The following ZNF354A variants were observed in gnomAD, a reference collection of about 807,000 sequenced individuals.
ZNF354A encodes the protein zinc finger protein 354A.
Under a neutral mutation model 53.3 loss-of-function variants are expected in ZNF354A, and 25 were observed. The ratio of observed to expected loss-of-function variants is 0.47; its 90% CI spans 0.34 to 0.66. ZNF354A has a LOEUF of 0.66. ZNF354A is among the 30% of genes least tolerant of loss of function. The probability of loss-of-function intolerance (pLI) is 0.01; values close to 1 mark genes in which losing one functional copy is unlikely to be tolerated. For synonymous variants in ZNF354A, 228 were observed against 249.0 expected (o/e 0.92, Z 0.79); for missense variants, 586 against 716.8 (o/e 0.82, Z 2.08).
intron 4 of ZNF354A, among the ~76,000 whole-genome samples, chr5:178,715,665 A>C (rs1242127156): frequency 6.6e-6 from 1 of 152,200 alleles, no homozygotes; most frequent in Non-Finnish European, 1.5e-5. Flanking sequence ...TGCTGGGAAG[A>C]AGGCAGCAGC....
chr5:178,726,279 T>C (rs1765905719), intron 3 of ZNF354A: 2 of 452,352 alleles, frequency 4.4e-6, no homozygotes, highest in Non-Finnish European at 8.9e-6. Context: ...CGGAGACCAT[T>C]ACGCAGCCCA....
chr5:178,719,980 T>C lies in ZNF354A; in HGVS notation c.256+5396A>G, dbSNP rs368606459. ...AAAAAAATGTCACTTGCATTTGCAG[T>C]CTCACAAGGTTTTCTAGAGTCAGAG... On this transcript the variant is annotated intron_variant, in intron 4 of 4. Coordinates refer to ENST00000335815, the MANE Select transcript of ZNF354A (RefSeq NM_005649.3). Among the ~76,000 whole-genome samples, 8 of 152,094 alleles carry C rather than the reference T, an allele frequency of 5.3e-5. 1 individual carries two copies. In the South Asian group the frequency reaches 1.2e-3, roughly 24 times the overall value.
At chr5:178,723,346 G>A (rs1032930250) in intron 4 of ZNF354A, among the ~76,000 whole-genome samples, 12 of 152,150 alleles carry the variant, frequency 7.9e-5, no homozygotes, top group African/African-American at 2.7e-4. Flanking sequence ...ATGGGCTGGC[G>A]GCTGCAGAAA....
At chr5:178,719,719 G>A (rs977328301) in intron 4 of ZNF354A, among the ~76,000 whole-genome samples, 7 of 151,982 alleles carry the variant, frequency 4.6e-5, no homozygotes, top group African/African-American at 7.2e-5. Flanking sequence ...AGGCCGAGGC[G>A]GGCGGATCAC....
intron 4 of ZNF354A, among the ~76,000 whole-genome samples, chr5:178,713,866 G>A (rs1301021616): frequency 1.3e-5 from 2 of 152,044 alleles, no homozygotes; most frequent in Admixed American, 6.6e-5. Context: ...GTGAGAAAGA[G>A]TGACCAGAAG....
intron 4 of ZNF354A, among the ~76,000 whole-genome samples, chr5:178,724,207 C>A (rs552455155): frequency 6.6e-6 from 1 of 151,736 alleles, no homozygotes; most frequent in Non-Finnish European, 1.5e-5. Context: ...TGACTGCAAT[C>A]GCTCTGCAAG....
intron 2 of ZNF354A, among the ~76,000 whole-genome samples, chr5:178,728,646 A>T (rs921970371): frequency 1.3e-5 from 2 of 151,608 alleles, no homozygotes; most frequent in South Asian, 2.1e-4. Context: ...AAAAAAAAAA[A>T]CTTAGCCGGG....
In ZNF354A at chr5:178,725,431, C is replaced by T. The variant is rs1765887232; in HGVS notation, c.201G>A (p.Gln67=). The change falls in exon 4 of 5, where the codon CAG becomes CAA. Residue 67 remains glutamine (Q), a synonymous_variant. Transcript: ENST00000335815. ...FTKPKVISLL[Q]QGEDPWEVEK... ...CCACCTCCCAGGGATCTTCTCCTTG[C>T]TGCAACAGGGAGATCACTTTTGGTT... 1 of 1,614,210 alleles carries T rather than the reference C, an allele frequency of 6.2e-7. No individual in the cohort carries two copies. Among genetic ancestry groups the T allele is most frequent in the South Asian group, 1.1e-5 (1 of 91,090 alleles).
intron 4 of ZNF354A, among the ~76,000 whole-genome samples, chr5:178,724,892 A>G (rs1306670322): frequency 1.3e-5 from 2 of 152,076 alleles, no homozygotes; most frequent in Non-Finnish European, 2.9e-5. Flanking sequence ...ACGGATGGAG[A>G]CTCAGCTGTT....
At chr5:178,717,834 A>C (rs554455973) in intron 4 of ZNF354A, among the ~76,000 whole-genome samples, 4 of 152,278 alleles carry the variant, frequency 2.6e-5, no homozygotes, top group Non-Finnish European at 4.4e-5. Context: ...GGAGTGAATA[A>C]CTGTGGCAAA....
rs1765633385 is a variant in ZNF354A at position 178,712,289 on chromosome 5, G to T, written c.1589C>A (p.Ser530Tyr). Residue 530 changes from serine to tyrosine, a missense_variant, in exon 5 of 5, where the codon TCT becomes TAT. Physicochemically the swap from Ser to Tyr is moderately radical, Grantham distance 144 (BLOSUM62 -2). This residue lies in a region of ZNF354A where 573 missense variants were observed against 680.1 expected (regional missense o/e 0.84). Transcript: ENST00000335815. ...KPYRCEECGI[S>Y]FGQSSALIQH... ...AATAAGAGCTGAACTTTGGCCAAAA[G>T]ATATCCCACATTCCTCACATCGATA... The T allele has an allele frequency of 1.9e-6, 3 of 1,614,060 alleles. No individual in the cohort carries two copies. The highest frequency in any genetic ancestry group is 2.5e-6 in the Non-Finnish European group (3 of 1,179,978).
Position 178,713,204 on chromosome 5 carries a change from T to G in ZNF354A, c.674A>C (p.Asn225Thr). The change falls in exon 5 of 5, where the codon AAC becomes ACC. Residue 225 changes from asparagine (N) to threonine (T), a missense_variant. Coordinates refer to ENST00000335815, the MANE Select transcript of ZNF354A (RefSeq NM_005649.3). ...KCSLCEKTFI[N>T]TSSLRKHEKN... Reference sequence around the variant, plus strand: ...CTCATGTTTACGAAGGGATGAAGTGTTAATGAAGGTTTTTTCACACAGACT... The same window carrying G: ...CTCATGTTTACGAAGGGATGAAGTGGTAATGAAGGTTTTTTCACACAGACT... The G allele has an allele frequency of 6.2e-7, 1 of 1,614,166 alleles. No individual in the cohort carries two copies. Among genetic ancestry groups the G allele is most frequent in the East Asian group, 2.2e-5 (1 of 44,872 alleles).
At chr5:178,727,609 T>C (rs1765936003) in intron 2 of ZNF354A, among the ~76,000 whole-genome samples, 1 of 152,210 alleles carries the variant, frequency 6.6e-6, no homozygotes. Flanking sequence ...AGCTTAAGGA[T>C]AGTAATGACG....
Position 178,712,924 on chromosome 5 carries a change from T to A in ZNF354A, c.954A>T (p.Lys318Asn), listed in dbSNP as rs555115881. ...TACAAGGGTTTTCTTCAGCATGAATTTTTTGATGTATAAAAAGGCCTGACC... is the reference window on the plus strand; with the variant it reads ...TACAAGGGTTTTCTTCAGCATGAATATTTTGATGTATAAAAAGGCCTGACC... ...SRRSGLFIHQ[K>N]IHAEENPCKY... Residue 318 changes from lysine to asparagine, a missense_variant, in exon 5 of 5, where the codon AAA becomes AAT. Lys to Asn is a moderately conservative substitution (Grantham distance 94). This residue lies in a region of ZNF354A where 573 missense variants were observed against 680.1 expected (regional missense o/e 0.84). Transcript: ENST00000335815. The A allele has an allele frequency of 6.2e-7, 1 of 1,614,134 alleles. No individual in the cohort carries two copies. The highest frequency in any genetic ancestry group is 8.5e-7 in the Non-Finnish European group (1 of 1,180,004).
At chr5:178,724,500 C>G (rs897974070) in intron 4 of ZNF354A, among the ~76,000 whole-genome samples, 4 of 152,188 alleles carry the variant, frequency 2.6e-5, no homozygotes, top group Non-Finnish European at 5.9e-5. Flanking sequence ...GCTAGGATGA[C>G]AGGCGTGAGC....
intron 4 of ZNF354A, among the ~76,000 whole-genome samples, chr5:178,715,155 G>A (rs929728923): frequency 3.3e-5 from 5 of 152,220 alleles, no homozygotes; most frequent in Admixed American, 2.0e-4. Flanking sequence ...TCAGGGGAAC[G>A]GTTATGCACA....
intron 2 of ZNF354A, among the ~76,000 whole-genome samples, chr5:178,728,199 T>C (rs1314831589): frequency 1.3e-5 from 2 of 152,284 alleles, no homozygotes; most frequent in Admixed American, 1.3e-4. Context: ...GTAATTCAAA[T>C]CCAGCAGATG....
chr5:178,716,351 C>T (rs1039106191), intron 4 of ZNF354A, among the ~76,000 whole-genome samples: 2 of 152,168 alleles, frequency 1.3e-5, no homozygotes, highest in Admixed American at 1.3e-4. Context: ...TGACCTTTAT[C>T]CACCTGTCCT....
chr5:178,724,838 G>C (rs1765875268), intron 4 of ZNF354A, among the ~76,000 whole-genome samples: 2 of 152,174 alleles, frequency 1.3e-5, no homozygotes, highest in African/African-American at 4.8e-5. Context: ...CTGGACTCTT[G>C]TTTTCAGGGT....
Sources: gnomAD v4.1 joint callset for allele counts (sites outside exome capture counted in the v4.1 genomes callset) on GRCh38, gnomAD v4.1.1 for gene constraint, gnomAD v4.1.1 regional missense constraint, MANE v1.5 for transcripts, NCBI Gene and HGNC (gene_info 2026-07-23, HGNC 2026-07-21) for gene names.